The following NELFA variants were observed in gnomAD, a reference collection of about 807,000 sequenced individuals.
NELFA encodes the protein negative elongation factor complex member A, also known as negative elongation factor A.
In NELFA, 35 loss-of-function variants were observed where a neutral mutation model predicts 51.8. The observed-to-expected ratio is 0.68, with a 90% confidence interval of 0.52 to 0.90. The LOEUF (loss-of-function observed/expected upper bound fraction) is 0.90, where lower values mean the gene tolerates loss of function less well. Ranked by LOEUF, NELFA falls within the 40% of genes least tolerant of loss-of-function variation. The pLI is 0.00. For missense variants in NELFA, 658 were observed against 746.4 expected, an observed-to-expected ratio of 0.88 and a Z score of 1.38; for synonymous variants, 417 against 338.4, an observed-to-expected ratio of 1.23 and a Z score of -2.55.
chr4:1,996,602 A>G (rs900182987), intron 1 of NELFA, among the ~76,000 whole-genome samples: 1 of 152,258 alleles, frequency 6.6e-6, no homozygotes, highest in African/African-American at 2.4e-5. Flanking sequence ...GGAAAAAATA[A>G]GAAATAATCA....
chr4:1,991,838 C>A lies in NELFA; in HGVS notation c.211-123G>T, dbSNP rs530967383. ...TCTCTGGCAGTTGCCCCCAACACTT[C>A]CTCCTGAGGGCTCCCCTTCCTCTGA... On this transcript the variant is annotated intron_variant, in intron 1 of 10. Transcript: ENST00000382882. The A allele has an allele frequency of 3.0e-6, 3 of 986,742 alleles. No homozygotes were observed. The East Asian group carries it at 7.9e-5, about 26-fold the overall frequency. The allele number at this position is 986,742 out of a possible 1,614,324, so 61.1% of individuals were successfully genotyped here.
chr4:2,002,552 A>G (rs1728608581), intron 1 of NELFA, among the ~76,000 whole-genome samples: 1 of 152,178 alleles, frequency 6.6e-6, no homozygotes. Context: ...CCAATGGAGA[A>G]GAACAGGGAC....
chr4:1,984,141 G>A (rs1438607899), intron 8 of NELFA, 28 bp from the exon 9 acceptor site: 1 of 1,504,092 alleles, frequency 6.6e-7, no homozygotes, highest in Non-Finnish European at 8.8e-7. Context: ...CCTGGTGAGG[G>A]GGCTGGACCC....
rs1728098157 is a variant in NELFA at position 1,986,421 on chromosome 4, C to T, written c.635-19G>A. On this transcript the variant is annotated intron_variant, in intron 4 of 10. Transcript: ENST00000382882. ...AGTGGGGCTGGAGGACGGCAACAGT[C>T]AGGGCGCCAGCAGCAGTGACCGGCA... 1 of 1,612,460 alleles carries T rather than the reference C, an allele frequency of 6.2e-7. No homozygotes were observed.
At chr4:1,995,087 C>G (rs1487005610) in intron 1 of NELFA, among the ~76,000 whole-genome samples, 1 of 152,218 alleles carries the variant, frequency 6.6e-6, no homozygotes, top group Non-Finnish European at 1.5e-5. Flanking sequence ...GGCGAGGGCC[C>G]TCCCTACTGC....
At chr4:1,986,051 C>T in intron 6 of NELFA, 63 bp downstream of exon 6, 1 of 1,523,568 alleles carries the variant, frequency 6.6e-7, no homozygotes, top group Non-Finnish European at 8.9e-7. Flanking sequence ...GCACAACCCA[C>T]CCCAACTGGG....
chr4:1,995,422 C>T (rs1237431502), intron 1 of NELFA, among the ~76,000 whole-genome samples: 1 of 152,088 alleles, frequency 6.6e-6, no homozygotes, highest in Non-Finnish European at 1.5e-5. Context: ...GAATGATATC[C>T]CTAAGATACC....
chr4:1,989,475 G>A lies in NELFA; in HGVS notation c.544+233C>T, dbSNP rs760151592. ...TCCGAGTAGCTGGGAGCACAGGCAC[G>A]CACCACCATGCCCGGCTAATGTTTT... is the stretch of plus-strand genomic sequence containing the variant. On this transcript the variant is annotated intron_variant, in intron 3 of 10. Coordinates refer to ENST00000382882, the MANE Select transcript of NELFA (RefSeq NM_005663.5). The surrounding 1 kb of genome is among the most constrained non-coding windows in gnomAD (Gnocchi z 4.8). 3.3e-5 allele frequency among the ~76,000 whole-genome samples: 5 copies of A among 151,980 alleles called. No individual in the cohort carries two copies. Among genetic ancestry groups the A allele is most frequent in the African/African-American group, 1.2e-4 (5 of 41,366 alleles).
intron 1 of NELFA, among the ~76,000 whole-genome samples, chr4:2,003,487 A>G (rs906603058): frequency 6.6e-6 from 1 of 152,240 alleles, no homozygotes; most frequent in African/African-American, 2.4e-5. Context: ...CCAAATGCCC[A>G]TCAATGATGG....
rs776488160 is a variant in NELFA, at chr4:1,983,969, G to A, written c.1181C>T (p.Pro394Leu). The A allele has an allele frequency of 6.2e-7, 1 of 1,610,526 alleles. No homozygotes were observed. Among genetic ancestry groups the A allele is most frequent in the Non-Finnish European group, 8.5e-7 (1 of 1,179,544 alleles). ...ATPTPAAPTS[P>L]LTPTTPPAVA... ...AGCCGGAGGTGTGGTGGGTGTCAGA[G>A]GCGAGGTGGGCGCCGCAGGCGTGGG... The change falls in exon 9 of 11, where the codon CCT becomes CTT. Residue 394 changes from proline (P) to leucine (L), a missense_variant. By Grantham distance (98) the Pro-to-Leu change is moderately conservative. Transcript: ENST00000382882.
intron 1 of NELFA, among the ~76,000 whole-genome samples, chr4:1,997,440 A>G (rs187697158): frequency 3.9e-5 from 6 of 152,364 alleles, no homozygotes; most frequent in Admixed American, 3.9e-4. Context: ...TAACAACATA[A>G]AATGACCAAT....
chr4:1,985,674 A>G (rs1357641365), intron 7 of NELFA, 102 bp downstream of exon 7: 1 of 823,656 alleles, frequency 1.2e-6, no homozygotes. Flanking sequence ...ACATATGTAC[A>G]TACATATATA....
At chr4:1,993,366 G>T (rs909435233) in intron 1 of NELFA, among the ~76,000 whole-genome samples, 1 of 152,228 alleles carries the variant, frequency 6.6e-6, no homozygotes, top group South Asian at 2.1e-4. Context: ...CGGCTCACGA[G>T]GTCAGGAGTT....
chr4:1,986,871 C>T (rs140678188), intron 4 of NELFA, among the ~76,000 whole-genome samples: 372 of 152,240 alleles, frequency 2.4e-3, no homozygotes, highest in African/African-American at 8.7e-3. Flanking sequence ...GTGCCAGGCC[C>T]GGAGAGAGGA....
intron 1 of NELFA, among the ~76,000 whole-genome samples, chr4:1,993,772 G>A (rs904355827): frequency 4.6e-5 from 7 of 151,110 alleles, no homozygotes; most frequent in African/African-American, 1.7e-4. Context: ...GCTGGTGGAA[G>A]GTGGGAACGA....
At chr4:2,005,519 C>A (rs913011499) in intron 1 of NELFA, among the ~76,000 whole-genome samples, 2 of 152,058 alleles carry the variant, frequency 1.3e-5, no homozygotes, top group African/African-American at 4.8e-5. Context: ...TGGTGAAACC[C>A]CATCTCTACT....
Position 1,984,896 on chromosome 4 carries a change from C to A in NELFA, c.948G>T (p.Glu316Asp). The change falls in exon 8 of 11, where the codon GAG becomes GAT. Residue 316 changes from glutamate to aspartate, a missense_variant. Physicochemically the swap from Glu to Asp is conservative, Grantham distance 45. Around this residue, in one of 3 missense-constraint regions of NELFA, gnomAD observed 371 missense variants for 448.3 expected, o/e 0.83. Transcript: ENST00000382882. The stretch of plus-strand genomic sequence containing the variant: ...GGTAGCTCGTGGAGGGCAGCGCAGG[C>A]TCATTGTTCAGGGACCCAAGTTTCT... ...STQKLGSLNN[E>D]PALPSTSYLP... is the part of the protein sequence containing the mutation. The A allele has an allele frequency of 6.3e-7, 1 of 1,576,636 alleles. No homozygotes were observed.
At chr4:1,999,104 G>A (rs565130415) in intron 1 of NELFA, among the ~76,000 whole-genome samples, 2 of 152,086 alleles carry the variant, frequency 1.3e-5, no homozygotes, top group East Asian at 3.9e-4. Context: ...AATGCTGAGG[G>A]ATTTTGTTAC....
intron 1 of NELFA, among the ~76,000 whole-genome samples, chr4:2,002,573 A>C (rs959682370): frequency 9.9e-5 from 15 of 152,158 alleles, no homozygotes; most frequent in African/African-American, 3.6e-4. Flanking sequence ...CTCAGAAATA[A>C]CACCACACAT....
Sources: allele counts gnomAD v4.1 joint callset (sites outside exome capture counted in the v4.1 genomes callset), GRCh38; gene constraint gnomAD v4.1.1; regional missense constraint gnomAD v4.1.1; non-coding constraint Gnocchi (gnomAD v3.1); transcripts MANE v1.5; gene names NCBI Gene and HGNC (gene_info 2026-07-23, HGNC 2026-07-21).